Variants in ITPKB observed in about 807,000 individuals in gnomAD.
ITPKB encodes the protein IP3 3-kinase B.
ITPKB carries 13 observed loss-of-function variants against 69.4 expected under a neutral mutation model. The ratio of observed to expected loss-of-function variants is 0.19; its 90% confidence interval spans 0.12 to 0.30. The LOEUF (loss-of-function observed/expected upper bound fraction) is 0.30, where lower values mean the gene tolerates loss of function less well. Among genes scored for constraint, ITPKB ranks in the 10% least tolerant of loss-of-function variants. ITPKB has a pLI of 1.00. For missense variants in ITPKB, 1,240 were observed against 1,250.5 expected (o/e 0.99, Z 0.13); for synonymous variants, 584 against 513.7 (o/e 1.14, Z -1.85).
At chr1:226,692,007 G>A (rs952094536) in intron 2 of ITPKB, among the ~76,000 whole-genome samples, 1 of 152,114 alleles carries the variant, frequency 6.6e-6, no homozygotes, top group Admixed American at 6.5e-5. Flanking sequence ...GGTCCAGTGA[G>A]GAAAAGTTAA....
intron 2 of ITPKB, among the ~76,000 whole-genome samples, chr1:226,685,540 C>T (rs563533984): frequency 9.2e-5 from 14 of 152,232 alleles, no homozygotes; most frequent in Admixed American, 6.5e-5. Context: ...CTCTGGGCCT[C>T]CCAGCAGGCT....
chr1:226,680,496 C>G (rs1656056122), intron 2 of ITPKB, among the ~76,000 whole-genome samples: 1 of 152,192 alleles, frequency 6.6e-6, no homozygotes, highest in African/African-American at 2.4e-5. Context: ...CCGGGACCAG[C>G]TGGTGAACCG....
At chr1:226,700,223 G>A (rs1315492450) in intron 2 of ITPKB, among the ~76,000 whole-genome samples, 1 of 151,936 alleles carries the variant, frequency 6.6e-6, no homozygotes, top group East Asian at 1.9e-4. Flanking sequence ...GTAATCCCAG[G>A]ACTTTGGTAG....
At chr1:226,722,772 GAC>G (rs1657281598) in intron 2 of ITPKB, among the ~76,000 whole-genome samples, 2 of 152,200 alleles carry the variant, frequency 1.3e-5, no homozygotes, top group Non-Finnish European at 2.9e-5. Flanking sequence ...CTGAGCCTGA[GAC>G]ACATATGTCT....
chr1:226,702,694 T>C (rs952882034), intron 2 of ITPKB, among the ~76,000 whole-genome samples: 9 of 152,196 alleles, frequency 5.9e-5, no homozygotes, highest in Admixed American at 3.3e-4. Context: ...TGAAGACCCA[T>C]TGGGAGGGTG....
At chr1:226,705,911 G>A (rs940003227) in intron 2 of ITPKB, among the ~76,000 whole-genome samples, 1 of 152,234 alleles carries the variant, frequency 6.6e-6, no homozygotes, top group South Asian at 2.1e-4. Context: ...GAAAGCACTT[G>A]TAGAGCCATC....
At chr1:226,699,097 G>T (rs1656568573) in intron 2 of ITPKB, among the ~76,000 whole-genome samples, 3 of 152,198 alleles carry the variant, frequency 2.0e-5, no homozygotes, top group Non-Finnish European at 4.4e-5. Context: ...AGCAGCCCTG[G>T]CTTTCTAGTA....
intron 2 of ITPKB, among the ~76,000 whole-genome samples, chr1:226,687,066 A>G (rs772204046): frequency 6.6e-6 from 1 of 152,240 alleles, no homozygotes; most frequent in African/African-American, 2.4e-5. Flanking sequence ...CTGATGTGGC[A>G]CAAGTCATTT....
intron 2 of ITPKB, among the ~76,000 whole-genome samples, chr1:226,659,416 C>G (rs1669359266): frequency 6.6e-6 from 1 of 152,050 alleles, no homozygotes; most frequent in Non-Finnish European, 1.5e-5. Context: ...CCCACACTCA[C>G]TCTCTGGCGT....
intron 4 of ITPKB, among the ~76,000 whole-genome samples, chr1:226,646,590 T>G (rs1449227925): frequency 6.6e-6 from 1 of 152,144 alleles, no homozygotes; most frequent in African/African-American, 2.4e-5. Flanking sequence ...CAGTGACTGC[T>G]CCGGGCTCAC....
chr1:226,730,012 T>G (rs1048778131), intron 2 of ITPKB, among the ~76,000 whole-genome samples: 1 of 152,208 alleles, frequency 6.6e-6, no homozygotes, highest in African/African-American at 2.4e-5. Flanking sequence ...AATAGTTTAC[T>G]CCTGGAAAAA....
intron 2 of ITPKB, among the ~76,000 whole-genome samples, chr1:226,677,185 C>T (rs2102771055): frequency 6.6e-6 from 1 of 152,346 alleles, no homozygotes; most frequent in South Asian, 2.1e-4. Context: ...CACACAAAGA[C>T]TTATTCTGCT....
chr1:226,710,642 G>A (rs868683165), intron 2 of ITPKB, among the ~76,000 whole-genome samples: 3 of 152,340 alleles, frequency 2.0e-5, no homozygotes, highest in African/African-American at 2.4e-5. Flanking sequence ...GACCCAAAGC[G>A]ATTACACACT....
intron 2 of ITPKB, among the ~76,000 whole-genome samples, chr1:226,694,893 C>A (rs555852952): frequency 3.5e-4 from 54 of 152,336 alleles, no homozygotes; most frequent in Non-Finnish European, 6.2e-4. Flanking sequence ...TTAACCAGGG[C>A]AGTATTTGAA....
At chr1:226,712,310 T>C (rs1558093290) in intron 2 of ITPKB, among the ~76,000 whole-genome samples, 1 of 152,120 alleles carries the variant, frequency 6.6e-6, no homozygotes, top group Non-Finnish European at 1.5e-5. Flanking sequence ...GTGAGGTCCA[T>C]AGCCATCTGG....
chr1:226,647,331 C>T lies in ITPKB; in HGVS notation c.2082G>A (p.Glu694=). Residue 694 remains glutamate (E), a synonymous_variant, in exon 4 of 8, where the codon GAG becomes GAA. Coordinates refer to ENST00000429204, the MANE Select transcript of ITPKB (RefSeq NM_002221.4). ...ANGRILKKHC[E]SEQRCLDRLM... ...GCCGGTCCAGGCAGCGCTGCTCTGA[C>T]TCACAGTGCTTCTTCAGGATCCTGC... The T allele has an allele frequency of 6.2e-7, 1 of 1,614,190 alleles. No individual in the cohort carries two copies. The highest frequency in any genetic ancestry group is 1.3e-5 in the African/African-American group (1 of 75,070).
chr1:226,720,737 C>T (rs1413406278), intron 2 of ITPKB, among the ~76,000 whole-genome samples: 1 of 152,154 alleles, frequency 6.6e-6, no homozygotes, highest in East Asian at 1.9e-4. Context: ...TTATAACTCC[C>T]AGTGAATTTC....
intron 3 of ITPKB, among the ~76,000 whole-genome samples, chr1:226,648,049 C>T (rs1468029670): frequency 6.6e-6 from 1 of 152,198 alleles, no homozygotes; most frequent in Non-Finnish European, 1.5e-5. Flanking sequence ...TCCAGAGGGT[C>T]CTACATGTGG....
intron 2 of ITPKB, among the ~76,000 whole-genome samples, chr1:226,712,824 G>A (rs1383796001): frequency 1.3e-5 from 2 of 152,176 alleles, no homozygotes; most frequent in African/African-American, 4.8e-5. Context: ...GCATCACGGA[G>A]CACCCTGAGT....
Sources: gnomAD v4.1 joint callset for allele counts (sites outside exome capture counted in the v4.1 genomes callset) on GRCh38, gnomAD v4.1.1 for gene constraint, MANE v1.5 for transcripts, NCBI Gene and HGNC (gene_info 2026-07-23, HGNC 2026-07-21) for gene names.